POLR3E: variants seen among roughly 807,000 people sequenced by gnomAD.
POLR3E encodes the protein DNA-directed RNA polymerase III subunit RPC5.
POLR3E carries 41 observed loss-of-function variants against 96.6 expected under a neutral mutation model. That is an observed-to-expected ratio of 0.42 (90% CI 0.33 to 0.55). The LOEUF is 0.55. POLR3E is among the 20% of genes least tolerant of loss of function. The probability of loss-of-function intolerance (pLI) is 0.06; values close to 1 mark genes in which losing one functional copy is unlikely to be tolerated. For synonymous variants in POLR3E, 396 were observed against 383.6 expected (o/e 1.03, Z -0.38); for missense variants, 849 against 952.1 (o/e 0.89, Z 1.43).
Position 22,309,060 on chromosome 16 carries a change from C to T in POLR3E, c.281+20C>T. The T allele has an allele frequency of 6.4e-7, 1 of 1,556,690 alleles. No homozygotes were observed. The highest frequency in any genetic ancestry group is 1.1e-5 in the South Asian group (1 of 89,560). On this transcript the variant is annotated intron_variant, in intron 5 of 20. Coordinates refer to ENST00000299853, the MANE Select transcript of POLR3E (RefSeq NM_018119.4). Reference sequence around the variant, plus strand: ...TTCCTCGTGAGTTTCCGGCCCCAAGCCTGTCCGGTTTCCCTGCGTTCACAC... The same window carrying T: ...TTCCTCGTGAGTTTCCGGCCCCAAGTCTGTCCGGTTTCCCTGCGTTCACAC...
chr16:22,333,741 GGAA>G lies in POLR3E; in HGVS notation c.*46_*48del. 1 of 1,431,854 alleles carries G rather than the reference GGAA, an allele frequency of 7.0e-7. No individual in the cohort carries two copies. Among genetic ancestry groups the G allele is most frequent in the Non-Finnish European group, 9.9e-7 (1 of 1,013,844 alleles). The allele number at this position is 1,431,854 out of a possible 1,614,324, so 88.7% of individuals were successfully genotyped here. A position where few individuals can be genotyped will look rare whatever the true frequency, so the allele number is the denominator to read the frequency against. ...ACTAACCCAGCAAATCTAAGCCCAAGGAAGAAGGGCGGAACCAGAAGTAGGGCC... is the reference window on the plus strand; with the variant it reads ...ACTAACCCAGCAAATCTAAGCCCAAGGAAGGGCGGAACCAGAAGTAGGGCC... On this transcript the variant is annotated 3_prime_UTR_variant, in exon 21 of 21. Transcript: ENST00000299853.
intron 18 of POLR3E, 46 bp from the exon 19 acceptor site, chr16:22,328,464 C>T (rs758996294): frequency 6.6e-7 from 1 of 1,511,778 alleles, no homozygotes; most frequent in Non-Finnish European, 9.2e-7. Context: ...CAAATGGATC[C>T]ATGGGGTAGA....
Position 22,315,161 on chromosome 16 carries a change from A to C in POLR3E, c.595A>C (p.Lys199Gln), listed in dbSNP as rs371885512. The change falls in exon 9 of 21, where the codon AAG (lysine) becomes CAG (glutamine). Residue 199 changes from lysine (K) to glutamine (Q), a missense_variant. By Grantham distance (53) the Lys-to-Gln change is moderately conservative. Transcript: ENST00000299853. ...RVQSYEFLQKKHAEEPWVHLH... is the reference protein window; with the variant it reads ...RVQSYEFLQKQHAEEPWVHLH... ...GCAGTCCTATGAGTTCCTGCAGAAGAAGCACGCAGAGGAGCCCTGGGTCCA... is the reference window on the plus strand; with the variant it reads ...GCAGTCCTATGAGTTCCTGCAGAAGCAGCACGCAGAGGAGCCCTGGGTCCA... 1.2e-6 allele frequency: 2 copies of C among 1,610,070 alleles called. No individual in the cohort carries two copies. The highest frequency in any genetic ancestry group is 1.3e-5 in the African/African-American group (1 of 74,866).
chr16:22,316,619 G>A lies in POLR3E; in HGVS notation c.661G>A (p.Glu221Lys). Residue 221 changes from glutamate to lysine, a missense_variant, in exon 10 of 21, where the codon GAG becomes AAG. By Grantham distance (56) the Glu-to-Lys change is moderately conservative. Transcript: ENST00000299853. ...YGLRDSRSEH[E>K]RQYLLCPGSS... ...CCAACAGGACAGTCGCTCTGAGCAT[G>A]AGCGTCAGTACCTGCTGTGCCCCGG... 1 of 1,613,988 alleles carries A rather than the reference G, an allele frequency of 6.2e-7. No individual in the cohort carries two copies.
chr16:22,315,007 T>C (rs2048324563), intron 8 of POLR3E, 82 bp from the exon 9 acceptor site: 4 of 1,480,116 alleles, frequency 2.7e-6, no homozygotes, highest in South Asian at 2.4e-5. Context: ...CGGAGTTCTC[T>C]GGTCTTCTGG....
chr16:22,325,309 T>C (rs769879040), intron 17 of POLR3E, 43 bp downstream of exon 17: 2 of 1,501,328 alleles, frequency 1.3e-6, no homozygotes, highest in East Asian at 2.3e-5. Context: ...GCTCCTACAC[T>C]GTGGCTCCGG....
At chr16:22,309,285 C>T (rs2048195539) in intron 5 of POLR3E, 143 bp from the exon 6 acceptor site, 1 of 753,418 alleles carries the variant, frequency 1.3e-6, no homozygotes. Context: ...GGCTGCCCTC[C>T]TGAGACCCGC....
At chr16:22,319,185 G>A (rs983916131) in intron 13 of POLR3E, among the ~76,000 whole-genome samples, 1 of 151,386 alleles carries the variant, frequency 6.6e-6, no homozygotes, top group African/African-American at 2.4e-5. Flanking sequence ...TGTTGGCCAG[G>A]CTGGTCTCGA....
rs1006402786 is a variant in POLR3E, at chr16:22,318,308, A to G, written c.866-518A>G. ...GGGGTTTCGCCTTGTTGGCCAGGCT[A>G]GTCTCAAATTCCTGGCCTCAAGTGA... On this transcript the variant is annotated intron_variant, in intron 12 of 20. Coordinates refer to ENST00000299853, the MANE Select transcript of POLR3E (RefSeq NM_018119.4). The surrounding 1 kb of genome is among the most constrained non-coding windows in gnomAD (Gnocchi z 5.0). Among the ~76,000 whole-genome samples the G allele has an allele frequency of 2.0e-5, 3 of 152,064 alleles. No individual in the cohort carries two copies. The highest frequency in any genetic ancestry group is 4.4e-5 in the Non-Finnish European group (3 of 68,008).
At chr16:22,305,247 G>T in intron 3 of POLR3E, 41 bp downstream of exon 3, 1 of 1,441,752 alleles carries the variant, frequency 6.9e-7, no homozygotes, top group Non-Finnish European at 9.8e-7. Flanking sequence ...AGAAGCAGGT[G>T]TGGGTGGGTG....
chr16:22,307,929 C>T (rs889826069), intron 3 of POLR3E, among the ~76,000 whole-genome samples: 4 of 152,090 alleles, frequency 2.6e-5, no homozygotes, highest in African/African-American at 9.7e-5. Context: ...CTGCAGTGGC[C>T]CTTTGGAAGG....
intron 3 of POLR3E, among the ~76,000 whole-genome samples, chr16:22,307,777 C>A (rs939283379): frequency 2.6e-5 from 4 of 152,168 alleles, no homozygotes; most frequent in African/African-American, 9.7e-5. Flanking sequence ...GTCCTTCTCT[C>A]CCCGGATGGC....
intron 6 of POLR3E, among the ~76,000 whole-genome samples, chr16:22,311,268 C>T (rs113716288): frequency 9.1e-5 from 10 of 109,464 alleles, no homozygotes; most frequent in African/African-American, 7.2e-5. Flanking sequence ...TGTGCCCAGC[C>T]TTTTTTTTTT....
chr16:22,315,867 A>G (rs1453869901), intron 9 of POLR3E, among the ~76,000 whole-genome samples: 1 of 151,954 alleles, frequency 6.6e-6, no homozygotes, highest in Non-Finnish European at 1.5e-5. Context: ...GGGTTTTGCC[A>G]TGTTGGCCAG....
intron 18 of POLR3E, 77 bp downstream of exon 18, chr16:22,326,355 A>T (rs2048595028): frequency 2.5e-6 from 3 of 1,221,460 alleles, no homozygotes; most frequent in Admixed American, 4.0e-5. Context: ...CCACGTGGGG[A>T]CACGGGAGGC....
At chr16:22,330,365 G>A (rs538952470) in intron 19 of POLR3E, among the ~76,000 whole-genome samples, 1 of 152,278 alleles carries the variant, frequency 6.6e-6, no homozygotes, top group African/African-American at 2.4e-5. Context: ...GATTACAAGC[G>A]TGAGCCACCA....
At position 22,308,145 on chromosome 16, in the gene POLR3E, C is replaced by CA. The variant is rs779941111; in HGVS notation, c.88-2dup. 56 of 1,612,164 alleles carry CA rather than the reference C, an allele frequency of 3.5e-5. No homozygotes were observed. The highest frequency in any genetic ancestry group is 4.6e-5 in the Non-Finnish European group (54 of 1,178,346). On this transcript the variant is annotated splice_region_variant and splice_polypyrimidine_tract_variant and intron_variant, in intron 3 of 20. Transcript: ENST00000299853. ...GACTTAATGGCTCCCTTCCCCTCCCCAGTACCCTGTGCGTCCAGCCTCGAT... is the reference window on the plus strand; with the variant it reads ...GACTTAATGGCTCCCTTCCCCTCCCCAAGTACCCTGTGCGTCCAGCCTCGAT...
rs544399269 is a variant in POLR3E, at chr16:22,335,094, C to T, written c.*1394C>T. ...ACCTGAAAAGTAAAGTTACCAAAAGCGATTTGGAATATGTCTCAGCTTTTC... is the reference window on the plus strand; with the variant it reads ...ACCTGAAAAGTAAAGTTACCAAAAGTGATTTGGAATATGTCTCAGCTTTTC... On this transcript the variant is annotated 3_prime_UTR_variant, in exon 21 of 21. Transcript: ENST00000299853. The T allele has an allele frequency of 3.3e-5, 5 of 152,282 alleles. No individual in the cohort carries two copies. The South Asian group carries it at 1.0e-3, about 32-fold the overall frequency. The allele number at this position is 152,282 out of a possible 1,614,324, so 9.4% of individuals were successfully genotyped here. A position where few individuals can be genotyped will look rare whatever the true frequency, so the allele number is the denominator to read the frequency against.
rs1033591559 is a variant in POLR3E at position 22,334,089 on chromosome 16, T to C, written c.*389T>C. On this transcript the variant is annotated 3_prime_UTR_variant, in exon 21 of 21. Coordinates refer to ENST00000299853, the MANE Select transcript of POLR3E (RefSeq NM_018119.4). ...CAAGGTCTAAGTTATGTTTACAACA[T>C]GAAGAAAACCTCAAAGTTCTTAATT... is the stretch of plus-strand genomic sequence containing the variant. The C allele has an allele frequency of 2.3e-5, 4 of 174,914 alleles. No individual in the cohort carries two copies. The highest frequency in any genetic ancestry group is 1.9e-4 in the Admixed American group (3 of 16,084). 10.8% of individuals were successfully genotyped at this position (174,914 alleles called of 1,614,324 possible).
Sources: allele counts gnomAD v4.1 joint callset (sites outside exome capture counted in the v4.1 genomes callset), GRCh38; gene constraint gnomAD v4.1.1; non-coding constraint Gnocchi (gnomAD v3.1); transcripts MANE v1.5; gene names NCBI Gene and HGNC (gene_info 2026-07-23, HGNC 2026-07-21).